Variants in TOM1L2 observed in about 807,000 individuals in gnomAD.
TOM1L2 encodes the protein TOM1-like protein 2.
A neutral mutation model predicts 67.9 loss-of-function variants in TOM1L2; 31 were observed. That is an observed-to-expected ratio of 0.46 (90% CI 0.34 to 0.62). The LOEUF (loss-of-function observed/expected upper bound fraction) is 0.62, where lower values mean the gene tolerates loss of function less well. Ranked by LOEUF, TOM1L2 falls within the 20% of genes least tolerant of loss-of-function variation. The probability of loss-of-function intolerance (pLI) is 0.01; values close to 1 mark genes in which losing one functional copy is unlikely to be tolerated. For synonymous variants in TOM1L2, 256 were observed against 254.0 expected, an observed-to-expected ratio of 1.01 and a Z score of -0.07; for missense variants, 606 against 663.5, an observed-to-expected ratio of 0.91 and a Z score of 0.95.
At position 17,851,097 on chromosome 17, in the gene TOM1L2, C is replaced by T. The variant is rs2035950116; in HGVS notation, c.1279-145G>A. ...GCAAAAAAACACAATTGGCACAGCA[C>T]ACAGGGGCAACACAGGGCAGCCACG... On this transcript the variant is annotated intron_variant, in intron 12 of 14. Coordinates refer to ENST00000379504, the MANE Select transcript of TOM1L2 (RefSeq NM_001082968.2). The T allele has an allele frequency of 1.1e-5, 9 of 826,392 alleles. No individual in the cohort carries two copies. In the East Asian group the frequency reaches 2.4e-4, roughly 22 times the overall value. The allele number at this position is 826,392 out of a possible 1,614,324, so 51.2% of individuals were successfully genotyped here.
At chr17:17,857,679 G>C (rs1291976237) in intron 12 of TOM1L2, 3 of 1,166,024 alleles carry the variant, frequency 2.6e-6, no homozygotes, top group African/African-American at 1.5e-5. Flanking sequence ...ATTCACAAAG[G>C]CTCGGCAGGT....
chr17:17,869,577 G>C (rs1328781571), intron 7 of TOM1L2, 104 bp from the exon 8 acceptor site: 1 of 1,439,712 alleles, frequency 6.9e-7, no homozygotes, highest in African/African-American at 1.4e-5. Context: ...CACAAAAGGA[G>C]TACATGCTTG....
intron 1 of TOM1L2, among the ~76,000 whole-genome samples, chr17:17,959,164 C>T (rs892111043): frequency 6.6e-6 from 1 of 152,172 alleles, no homozygotes; most frequent in African/African-American, 2.4e-5. Context: ...GGGAAGGCAT[C>T]ACGGGAATCC....
chr17:17,850,996 C>T, intron 12 of TOM1L2, 44 bp from the exon 13 acceptor site: 8 of 1,607,036 alleles, frequency 5.0e-6, no homozygotes, highest in Non-Finnish European at 6.8e-6. Context: ...CCCACACAGC[C>T]AGCGAGGGGA....
At chr17:17,898,008 C>G (rs978702699) in intron 3 of TOM1L2, among the ~76,000 whole-genome samples, 5 of 151,802 alleles carry the variant, frequency 3.3e-5, no homozygotes, top group Non-Finnish European at 7.4e-5. Context: ...TCACGGCAAC[C>G]TCCACCTCCC....
chr17:17,938,766 GTTT>G (rs372811565), intron 1 of TOM1L2, among the ~76,000 whole-genome samples: 2 of 144,966 alleles, frequency 1.4e-5, no homozygotes, highest in African/African-American at 2.5e-5. Flanking sequence ...GGTTGAAAGG[GTTT>G]TTTTTTTTTT....
chr17:17,872,942 T>C (rs528353916), intron 7 of TOM1L2, among the ~76,000 whole-genome samples: 233 of 152,276 alleles, frequency 1.5e-3, no homozygotes, highest in Non-Finnish European at 2.6e-3. Context: ...CAGGGGAGTG[T>C]GGCAGTAGGT....
rs867591849 is a variant in TOM1L2, at chr17:17,907,462, T to C, written c.122A>G (p.Asn41Ser). The change falls in exon 2 of 15, where the codon AAT becomes AGT. Residue 41 changes from asparagine (N) to serine (S), a missense_variant. By Grantham distance (46) the Asn-to-Ser change is conservative. Around this residue, in one of 2 missense-constraint regions of TOM1L2, gnomAD observed 63 missense variants for 109.5 expected, o/e 0.58. Transcript: ENST00000379504. ...TLNMEICDII[N>S]ETEEGPKDAI... Reference sequence around the variant, plus strand: ...GCACACGTACCCTTCCTCCGTCTCATTGATGATGTCACAGATCTCCATATT... The same window carrying C: ...GCACACGTACCCTTCCTCCGTCTCACTGATGATGTCACAGATCTCCATATT... The C allele has an allele frequency of 3.7e-6, 6 of 1,613,974 alleles. No homozygotes were observed. Among genetic ancestry groups the C allele is most frequent in the South Asian group, 2.2e-5 (2 of 91,082 alleles).
intron 1 of TOM1L2, among the ~76,000 whole-genome samples, chr17:17,943,578 C>T (rs2040820846): frequency 6.6e-6 from 1 of 152,222 alleles, no homozygotes. Context: ...GAAGGCTGAG[C>T]TGCCTCCAGA....
At chr17:17,871,279 G>A (rs975769899) in intron 7 of TOM1L2, among the ~76,000 whole-genome samples, 1 of 152,154 alleles carries the variant, frequency 6.6e-6, no homozygotes, top group Non-Finnish European at 1.5e-5. Flanking sequence ...ACTGAGGCAG[G>A]AGAATGGCGT....
chr17:17,966,153 C>A (rs1472198850), intron 1 of TOM1L2, among the ~76,000 whole-genome samples: 2 of 151,920 alleles, frequency 1.3e-5, no homozygotes, highest in Admixed American at 6.6e-5. Flanking sequence ...AAACAAAAAA[C>A]CCAAAAGCCT....
rs767900512 is a variant in TOM1L2 at position 17,869,454 on chromosome 17, C to T, written c.797G>A (p.Arg266Gln). 8.1e-6 allele frequency: 13 copies of T among 1,610,930 alleles called. No homozygotes were observed. The highest frequency in any genetic ancestry group is 6.7e-5 in the East Asian group (3 of 44,876). ...CTCCACGATGCGCTGCTGCATGGCCCGACAGGTCCTGTTGAGCTCCTAGGG... is the reference window on the plus strand; with the variant it reads ...CTCCACGATGCGCTGCTGCATGGCCTGACAGGTCCTGTTGAGCTCCTAGGG... ...ELLQELNRTC[R>Q]AMQQRIVELI... Residue 266 changes from arginine to glutamine, a missense_variant, in exon 8 of 15, where the codon CGG becomes CAG. Arg to Gln is a conservative substitution (Grantham distance 43). Transcript: ENST00000379504.
intron 1 of TOM1L2, among the ~76,000 whole-genome samples, chr17:17,914,945 T>G (rs762307732): frequency 3.9e-5 from 6 of 152,218 alleles, no homozygotes; most frequent in Non-Finnish European, 7.3e-5. Context: ...AGAAGACTGT[T>G]GCACAAATGT....
chr17:17,881,000 A>G (rs1317562423), intron 6 of TOM1L2, among the ~76,000 whole-genome samples: 1 of 152,114 alleles, frequency 6.6e-6, no homozygotes, highest in Non-Finnish European at 1.5e-5. Context: ...ATCTTCCACT[A>G]TTGCAGCTGT....
chr17:17,912,788 G>A (rs1342221675), intron 1 of TOM1L2, among the ~76,000 whole-genome samples: 1 of 152,108 alleles, frequency 6.6e-6, no homozygotes, highest in East Asian at 1.9e-4. Flanking sequence ...CGGGGTGGCG[G>A]CCGGGCAGAG....
intron 1 of TOM1L2, 96 bp downstream of exon 1, chr17:17,972,166 G>A (rs1442999166): frequency 8.8e-6 from 13 of 1,473,100 alleles, no homozygotes; most frequent in South Asian, 1.2e-5. Context: ...CAGCCCGCTC[G>A]TGAAGTGGCA....
At position 17,866,877 on chromosome 17, in the gene TOM1L2, C is replaced by G. The variant is rs2143800995; in HGVS notation, c.959G>C (p.Gly320Ala). Residue 320 changes from glycine (G) to alanine (A), a missense_variant and splice_region_variant, in exon 9 of 15, where the codon GGA becomes GCA. Physicochemically the swap from Gly to Ala is moderately conservative, Grantham distance 60 (BLOSUM62 0). Transcript: ENST00000379504. ...ACAGGATTCTGAAGGAATACTTACT[C>G]CATTACTGGCATTTTGAACGGATCG... ...SGRSVQNASN[G>A]VLNEVTEDNL... 1 of 1,613,976 alleles carries G rather than the reference C, an allele frequency of 6.2e-7. No homozygotes were observed. Among genetic ancestry groups the G allele is most frequent in the Middle Eastern group, 1.7e-4 (1 of 6,034 alleles).
In TOM1L2 at chr17:17,866,353, G is replaced by A; in HGVS notation, c.1027C>T (p.Pro343Ser). The A allele has an allele frequency of 6.2e-7, 1 of 1,610,964 alleles. No individual in the cohort carries two copies. The highest frequency in any genetic ancestry group is 1.7e-5 in the Admixed American group (1 of 59,614). ...GGGGGCGCTGTGTTCCCCACCATTG[G>A]GCTCACCACGGCTGGAGACCCTGGC... ...LGPGSPAVVS[P>S]MVGNTAPPSS... Residue 343 changes from proline to serine, a missense_variant, in exon 10 of 15, where the codon CCA (proline) becomes TCA (serine). By Grantham distance (74) the Pro-to-Ser change is moderately conservative. Transcript: ENST00000379504.
intron 1 of TOM1L2, among the ~76,000 whole-genome samples, chr17:17,939,615 T>C (rs1360586292): frequency 1.3e-5 from 2 of 152,194 alleles, no homozygotes; most frequent in Non-Finnish European, 2.9e-5. Flanking sequence ...GAGTTGATAA[T>C]TGTTGAAGTT....
Sources: gnomAD v4.1 joint callset for allele counts (sites outside exome capture counted in the v4.1 genomes callset) on GRCh38, gnomAD v4.1.1 for gene constraint, gnomAD v4.1.1 regional missense constraint, MANE v1.5 for transcripts, NCBI Gene and HGNC (gene_info 2026-07-23, HGNC 2026-07-21) for gene names.